HDAC10: variants seen among roughly 807,000 people sequenced by gnomAD.
HDAC10 encodes the protein histone deacetylase 10, also known as polyamine deacetylase HDAC10.
In HDAC10, 90 loss-of-function variants were observed where a neutral mutation model predicts 82.3. That is an observed-to-expected ratio of 1.09 (90% CI 0.92 to 1.30). The LOEUF (loss-of-function observed/expected upper bound fraction) is 1.30, where lower values mean the gene tolerates loss of function less well. Among genes scored for constraint, HDAC10 ranks in the 50% most tolerant of loss-of-function variants. The pLI is 0.00. For missense variants in HDAC10, 934 were observed against 876.3 expected (o/e 1.07, Z -0.83); for synonymous variants, 456 against 391.7 (o/e 1.16, Z -1.94).
At position 50,246,928 on chromosome 22, in the gene HDAC10, T is replaced by C. The variant is rs759581613; in HGVS notation, c.1461A>G (p.Ala487=). The C allele has an allele frequency of 1.9e-6, 3 of 1,612,086 alleles. No individual in the cohort carries two copies. The highest frequency in any genetic ancestry group is 8.5e-7 in the Non-Finnish European group (1 of 1,179,132). ...SGIAATPASA[A]AATLDVAVRR... is the part of the protein sequence containing the mutation. ...GAACAGCCACATCCAGGGTGGCTGC[T>C]GCAGCAGAGGCTGGAGTGGCTGCTA... The change falls in exon 15 of 20, where the codon GCA becomes GCG. Residue 487 remains alanine (A), a synonymous_variant. Coordinates refer to ENST00000216271, the MANE Select transcript of HDAC10 (RefSeq NM_032019.6).
rs950839509 is a variant in HDAC10 at position 50,251,231 on chromosome 22, G to A, written c.-199C>T. 31 of 551,060 alleles carry A rather than the reference G, an allele frequency of 5.6e-5. 1 individual carries two copies. The South Asian group carries it at 6.5e-4, about 12-fold the overall frequency. 34.1% of individuals were successfully genotyped at this position (551,060 alleles called of 1,614,324 possible). A position where few individuals can be genotyped will look rare whatever the true frequency, so the allele number is the denominator to read the frequency against. Reference sequence around the variant, plus strand: ...CCCAGGCGCGCAGAAGGCACGGAGCGAGGCTGCAGTCGAAGGGGGAGGCTC... The same window carrying A: ...CCCAGGCGCGCAGAAGGCACGGAGCAAGGCTGCAGTCGAAGGGGGAGGCTC... On this transcript the variant is annotated 5_prime_UTR_variant, in exon 1 of 20. Coordinates refer to ENST00000216271, the MANE Select transcript of HDAC10 (RefSeq NM_032019.6).
At position 50,249,769 on chromosome 22, in the gene HDAC10, T is replaced by C. The variant is rs1191689405; in HGVS notation, c.495-66A>G. ...CCACCTCCAGGAGCCCGGCCAGGGATGGGAAGGTGCTGGCTGGGTTCTCTC... is the reference window on the plus strand; with the variant it reads ...CCACCTCCAGGAGCCCGGCCAGGGACGGGAAGGTGCTGGCTGGGTTCTCTC... On this transcript the variant is annotated intron_variant, in intron 5 of 19. Transcript: ENST00000216271. The surrounding 1 kb of genome is among the most constrained non-coding windows in gnomAD (Gnocchi z 4.4). 7 of 1,607,112 alleles carry C rather than the reference T, an allele frequency of 4.4e-6. No homozygotes were observed.
rs370057343 is a variant in HDAC10, at chr22:50,251,012, G to A, written c.21C>T (p.Tyr7=). The A allele has an allele frequency of 5.0e-6, 8 of 1,612,054 alleles. No homozygotes were observed. In the African/African-American group the frequency reaches 9.3e-5, roughly 19 times the overall value. Residue 7 remains tyrosine, a synonymous_variant, in exon 1 of 20, where the codon TAC becomes TAT. Coordinates refer to ENST00000216271, the MANE Select transcript of HDAC10 (RefSeq NM_032019.6). The part of the protein sequence containing the change: MGTALV[Y]HEDMTATRLL... The stretch of plus-strand genomic sequence containing the variant: ...GCCGGGTGGCCGTCATGTCCTCATG[G>A]TACACAAGCGCGGTCCCCATGGCTG...
chr22:50,248,752 CT>C lies in HDAC10; in HGVS notation c.817-2del. The C allele has an allele frequency of 6.3e-7, 1 of 1,585,712 alleles. No individual in the cohort carries two copies. Among genetic ancestry groups the C allele is most frequent in the Middle Eastern group, 1.7e-4 (1 of 6,024 alleles). On this transcript the variant is annotated splice_acceptor_variant, in intron 9 of 19. Transcript: ENST00000216271. LOFTEE classifies it high-confidence loss of function. This position sits in a 1 kb window ranked among gnomAD's most constrained non-coding sequence, Gnocchi z 5.4. ...ACTCTGGCGTGGCCTGCATTTGCCC[CT>C]GGAACCAGAGCCATGTGTGATGGGG...
Position 50,248,461 on chromosome 22 carries a change from G to A in HDAC10, c.918C>T (p.His306=). 4 of 1,607,098 alleles carry A rather than the reference G, an allele frequency of 2.5e-6. No homozygotes were observed. Among genetic ancestry groups the A allele is most frequent in the East Asian group, 2.2e-5 (1 of 44,872 alleles). ...ACACTGACTCCGCCAGTGACTCCAG[G>A]TGGTAGCCGCCCTGGGAGGAGGGTG... ...RVCAVLEGGY[H]LESLAESVCM... The change falls in exon 11 of 20, where the codon CAC becomes CAT. Residue 306 remains histidine (H), a synonymous_variant. Coordinates refer to ENST00000216271, the MANE Select transcript of HDAC10 (RefSeq NM_032019.6). The surrounding 1 kb of genome is among the most constrained non-coding windows in gnomAD (Gnocchi z 5.4).
chr22:50,246,207 G>A (rs957930359), intron 17 of HDAC10, 91 bp downstream of exon 17: 76 of 1,521,320 alleles, frequency 5.0e-5, no homozygotes, highest in Admixed American at 6.9e-5. Flanking sequence ...AAGGACCAGA[G>A]GCCTGCTATC....
In HDAC10 at chr22:50,249,912, T is replaced by G. The variant is rs1569136802; in HGVS notation, c.442A>C (p.Asn148His). The G allele has an allele frequency of 6.2e-7, 1 of 1,612,918 alleles. No homozygotes were observed. The highest frequency in any genetic ancestry group is 2.2e-5 in the East Asian group (1 of 44,866). The change falls in exon 5 of 20, where the codon AAC (asparagine) becomes CAC (histidine). Residue 148 changes from asparagine to histidine, a missense_variant. Physicochemically the swap from Asn to His is moderately conservative, Grantham distance 68. Transcript: ENST00000216271. This position sits in a 1 kb window ranked among gnomAD's most constrained non-coding sequence, Gnocchi z 4.4. ...TGTGCAGCTGCTATGGCCACGTTGTTGAACACACAGAACCCGTTGGCAGCC... is the reference window on the plus strand; with the variant it reads ...TGTGCAGCTGCTATGGCCACGTTGTGGAACACACAGAACCCGTTGGCAGCC... ...RAAANGFCVF[N>H]NVAIAAAHAK... is the part of the protein sequence containing the mutation.
chr22:50,250,206 C>T lies in HDAC10; in HGVS notation c.292-46G>A, dbSNP rs201554498. On this transcript the variant is annotated intron_variant, in intron 3 of 19. Transcript: ENST00000216271. ...ATGAGCCCCCTGCCTTCCCTGCTGC[C>T]CTTTGCAGGCCATACCCACACTTGT... is the stretch of plus-strand genomic sequence containing the variant. 1.1e-4 allele frequency: 170 copies of T among 1,522,948 alleles called. 1 individual carries two copies. The East Asian group carries it at 3.0e-3, about 27-fold the overall frequency. The allele number at this position is 1,522,948 out of a possible 1,614,324, so 94.3% of individuals were successfully genotyped here.
rs771151012 is a variant in HDAC10 at position 50,250,798 on chromosome 22, G to A, written c.167C>T (p.Ser56Leu). The change falls in exon 2 of 20, where the codon TCG (serine) becomes TTG (leucine). Residue 56 changes from serine to leucine, a missense_variant. Coordinates refer to ENST00000216271, the MANE Select transcript of HDAC10 (RefSeq NM_032019.6). Reference sequence around the variant, plus strand: ...GTGCACCAGGCCCAGCTCCTCTTCCGAGGCCTCGCGGGCTGACAACCGCAG... The same window carrying A: ...GTGCACCAGGCCCAGCTCCTCTTCCAAGGCCTCGCGGGCTGACAACCGCAG... ...RCLRLSAREA[S>L]EEELGLVHSP... The A allele has an allele frequency of 2.5e-6, 4 of 1,602,880 alleles. No individual in the cohort carries two copies. The African/African-American group carries it at 5.3e-5, about 21-fold the overall frequency.
intron 15 of HDAC10, 63 bp downstream of exon 15, chr22:50,246,812 G>A (rs1162884099): frequency 1.1e-5 from 18 of 1,596,362 alleles, no homozygotes; most frequent in Non-Finnish European, 1.5e-5. Flanking sequence ...TGCTTGGCCA[G>A]CCAGGATAGG....
intron 16 of HDAC10, 51 bp from the exon 17 acceptor site, chr22:50,246,427 C>G: frequency 6.8e-7 from 1 of 1,473,906 alleles, no homozygotes; most frequent in Non-Finnish European, 9.4e-7. Context: ...CCTCCTGAGC[C>G]CAAACCGCAG....
chr22:50,248,548 G>A lies in HDAC10; in HGVS notation c.907-76C>T. The A allele has an allele frequency of 6.6e-7, 1 of 1,507,874 alleles. No homozygotes were observed. 93.4% of individuals were successfully genotyped at this position (1,507,874 alleles called of 1,614,324 possible). A position where few individuals can be genotyped will look rare whatever the true frequency, so the allele number is the denominator to read the frequency against. On this transcript the variant is annotated intron_variant, in intron 10 of 19. Coordinates refer to ENST00000216271, the MANE Select transcript of HDAC10 (RefSeq NM_032019.6). The surrounding 1 kb of genome is among the most constrained non-coding windows in gnomAD (Gnocchi z 5.4). ...ATGTCACCGGGAGAGCCCCTGCCTG[G>A]CTCTATCCCGGGCAGGACGCCCCTC...
At position 50,246,292 on chromosome 22, in the gene HDAC10, A is replaced by T; in HGVS notation, c.1650+6T>A. ...ACCTGCCTTGCCGCGTGGCATGGTC[A>T]CTCACCACTGGCAGTGGCGTGGAGA... On this transcript the variant is annotated splice_donor_region_variant and intron_variant, in intron 17 of 19. Transcript: ENST00000216271. The T allele has an allele frequency of 1.2e-6, 2 of 1,610,090 alleles. No homozygotes were observed. The highest frequency in any genetic ancestry group is 2.2e-5 in the South Asian group (2 of 91,016).
Position 50,248,660 on chromosome 22 carries a change from ACCT to A in HDAC10, c.905_906+1del. ...CCCTCCCTGTGTGCCCTCCCCAGTC[ACCT>A]CCAGCACGGCACAGACCCGGCCGCC... On this transcript the variant is annotated splice_donor_variant and coding_sequence_variant, in exon 10 of 20. Coordinates refer to ENST00000216271, the MANE Select transcript of HDAC10 (RefSeq NM_032019.6). LOFTEE classifies it high-confidence loss of function. The surrounding 1 kb of genome is among the most constrained non-coding windows in gnomAD (Gnocchi z 5.4). 6.7e-7 allele frequency: 1 copy of A among 1,494,720 alleles called. No individual in the cohort carries two copies. The allele number at this position is 1,494,720 out of a possible 1,614,324, so 92.6% of individuals were successfully genotyped here. A position where few individuals can be genotyped will look rare whatever the true frequency, so the allele number is the denominator to read the frequency against.
At position 50,247,492 on chromosome 22, in the gene HDAC10, A is replaced by G. The variant is rs150100348; in HGVS notation, c.1422+200T>C. On this transcript the variant is annotated intron_variant, in intron 14 of 19. Transcript: ENST00000216271. ...CTGCCAAAGAGCATTTAACTGAAGAAGCTGAGGTCAGAGGTCAGACACACT... is the reference window on the plus strand; with the variant it reads ...CTGCCAAAGAGCATTTAACTGAAGAGGCTGAGGTCAGAGGTCAGACACACT... The G allele has an allele frequency of 2.4e-3, 1,174 of 488,696 alleles. 13 individuals carry two copies. The highest frequency in any genetic ancestry group is 0.021 in the African/African-American group (1,071 of 51,304). The allele number at this position is 488,696 out of a possible 1,614,324, so 30.3% of individuals were successfully genotyped here. A position where few individuals can be genotyped will look rare whatever the true frequency, so the allele number is the denominator to read the frequency against.
intron 3 of HDAC10, 128 bp from the exon 4 acceptor site, chr22:50,250,288 G>C: frequency 8.3e-7 from 1 of 1,210,092 alleles, no homozygotes; most frequent in East Asian, 2.4e-5. Context: ...GGCTCTGGCA[G>C]TGCCAGCAGG....
intron 14 of HDAC10, 138 bp from the exon 15 acceptor site, chr22:50,247,104 T>A: frequency 1.9e-6 from 1 of 532,590 alleles, no homozygotes; most frequent in Non-Finnish European, 3.3e-6. Context: ...GGTCAATCAC[T>A]CCATTTCTGT....
At chr22:50,247,843 A>C in intron 13 of HDAC10, 47 bp downstream of exon 13, 1 of 1,612,666 alleles carries the variant, frequency 6.2e-7, no homozygotes, top group Non-Finnish European at 8.5e-7. Context: ...ACACAGGCAC[A>C]GGTGTAGATG....
In HDAC10 at chr22:50,245,250, G is replaced by A. The variant is rs957650509; in HGVS notation, c.*257C>T. ...CGAAGCGCAGCGGGGCGCAGGGGCC[G>A]GAACGGGACCGAGCGTGGGTTGCAT... On this transcript the variant is annotated 3_prime_UTR_variant, in exon 20 of 20. Transcript: ENST00000216271. 15 of 579,150 alleles carry A rather than the reference G, an allele frequency of 2.6e-5. No homozygotes were observed. The highest frequency in any genetic ancestry group is 1.6e-4 in the Admixed American group (5 of 31,650). The allele number at this position is 579,150 out of a possible 1,614,324, so 35.9% of individuals were successfully genotyped here. A position where few individuals can be genotyped will look rare whatever the true frequency, so the allele number is the denominator to read the frequency against.
Sources: allele counts gnomAD v4.1 joint callset, GRCh38; gene constraint gnomAD v4.1.1; non-coding constraint Gnocchi (gnomAD v3.1); transcripts MANE v1.5; gene names NCBI Gene and HGNC (gene_info 2026-07-23, HGNC 2026-07-21).